The following PTCHD1 variants were observed in gnomAD, a reference collection of about 807,000 sequenced individuals.
PTCHD1 encodes patched domain containing 1.
Under a neutral mutation model 34.6 loss-of-function variants are expected in PTCHD1, and 3 were observed. That is an observed-to-expected ratio of 0.09 (90% confidence interval 0.04 to 0.22). The LOEUF (loss-of-function observed/expected upper bound fraction) is 0.22, where lower values mean the gene tolerates loss of function less well. PTCHD1 is among the 10% of genes least tolerant of loss of function. The pLI is 1.00. For synonymous variants in PTCHD1, 305 were observed against 283.1 expected, an observed-to-expected ratio of 1.08 and a Z score of -0.77; for missense variants, 504 against 685.5, an observed-to-expected ratio of 0.74 and a Z score of 2.96.
intron 1 of PTCHD1, among the ~76,000 whole-genome samples, chrX:23,366,860 CT>C (rs901160916): frequency 1.8e-5 from 2 of 110,153 alleles, no homozygotes; most frequent in Non-Finnish European, 3.8e-5. Context: ...CGTCTGACCC[CT>C]GTCTCCTTTC....
intron 2 of PTCHD1, among the ~76,000 whole-genome samples, chrX:23,386,068 T>C (rs1473004585): frequency 1.8e-5 from 2 of 111,178 alleles, no homozygotes; most frequent in African/African-American, 6.5e-5. Context: ...TGTAAATATA[T>C]AAAATATATT....
In PTCHD1 at chrX:23,394,396, TCACACACACATAGACACACACACA is replaced by T; in HGVS notation, c.*222_*245del. 4.0e-6 allele frequency: 1 copy of T among 251,729 alleles called. No homozygotes were observed. 20.7% of individuals were successfully genotyped at this position (251,729 alleles called of 1,213,427 possible). On this transcript the variant is annotated 3_prime_UTR_variant, in exon 3 of 3. Coordinates refer to ENST00000379361, the MANE Select transcript of PTCHD1 (RefSeq NM_173495.3). Reference sequence around the variant, plus strand: ...AAAACAAAGGAGTTGTTATGAGAATTCACACACACATAGACACACACACACACACACACACACACACACACACAC... The same window carrying T: ...AAAACAAAGGAGTTGTTATGAGAATTCACACACACACACACACACACACAC...
chrX:23,380,395 A>T, intron 2 of PTCHD1, 144 bp downstream of exon 2: 1 of 578,898 alleles, frequency 1.7e-6, no homozygotes, highest in Non-Finnish European at 2.9e-6. Context: ...CCACTCTATA[A>T]AGTGCTGGTA....
chrX:23,351,403 G>A (rs1201052755), intron 1 of PTCHD1: 5 of 625,091 alleles, frequency 8.0e-6, no homozygotes, highest in Admixed American at 6.9e-5. Flanking sequence ...GAAATGGTAC[G>A]AAAACTTTCA....
chrX:23,356,572 A>G (rs1380484435), intron 1 of PTCHD1, among the ~76,000 whole-genome samples: 1 of 111,819 alleles, frequency 8.9e-6, no homozygotes, highest in Non-Finnish European at 1.9e-5. Flanking sequence ...ACAGGGCTCT[A>G]AAGAGTGCCC....
At chrX:23,388,788 G>C (rs1359225845) in intron 2 of PTCHD1, among the ~76,000 whole-genome samples, 2 of 110,679 alleles carry the variant, frequency 1.8e-5, no homozygotes, top group African/African-American at 6.6e-5. Flanking sequence ...CAGAGATTGT[G>C]CCACTGCACT....
intron 2 of PTCHD1, among the ~76,000 whole-genome samples, chrX:23,382,217 T>G (rs1922584621): frequency 8.9e-6 from 1 of 112,005 alleles, no homozygotes; most frequent in South Asian, 3.7e-4. Context: ...TATTTAAAAC[T>G]TGTGAAAAGT....
intron 1 of PTCHD1, among the ~76,000 whole-genome samples, chrX:23,361,446 G>C (rs935615242): frequency 4.3e-4 from 48 of 111,463 alleles, no homozygotes; most frequent in African/African-American, 1.6e-3. Flanking sequence ...TTTAAAGTCT[G>C]TTTTATCAGA....
chrX:23,359,181 G>C (rs1404251593), intron 1 of PTCHD1, among the ~76,000 whole-genome samples: 1 of 112,397 alleles, frequency 8.9e-6, no homozygotes, highest in Non-Finnish European at 1.9e-5. Flanking sequence ...CCAATTCTGT[G>C]AAGAAAGTCA....
intron 2 of PTCHD1, among the ~76,000 whole-genome samples, chrX:23,387,311 C>A (rs1470978248): frequency 9.0e-6 from 1 of 111,281 alleles, no homozygotes; most frequent in Non-Finnish European, 1.9e-5. Context: ...TGGTCAGGCC[C>A]CAGAAAGTTC....
At position 23,394,448 on chromosome X, in the gene PTCHD1, A is replaced by ACACACC; in HGVS notation, c.*266_*267insACCCAC. On this transcript the variant is annotated 3_prime_UTR_variant, in exon 3 of 3. Coordinates refer to ENST00000379361, the MANE Select transcript of PTCHD1 (RefSeq NM_173495.3). ...CACACACACACACACACACACACACACACCCTGGGAGACCTATAGTCTCTT... is the reference window on the plus strand; with the variant it reads ...CACACACACACACACACACACACACACACACCCACCCTGGGAGACCTATAGTCTCTT... 2 of 304,916 alleles carry ACACACC rather than the reference A, an allele frequency of 6.6e-6. No homozygotes were observed. The highest frequency in any genetic ancestry group is 1.1e-5 in the Non-Finnish European group (2 of 178,122). The allele number at this position is 304,916 out of a possible 1,213,427, so 25.1% of individuals were successfully genotyped here.
chrX:23,380,365 T>G, intron 2 of PTCHD1, 114 bp downstream of exon 2: 1 of 769,744 alleles, frequency 1.3e-6, no homozygotes, highest in Non-Finnish European at 2.0e-6. Flanking sequence ...TATCTTCATT[T>G]TGCCCAAAAG....
intron 1 of PTCHD1, among the ~76,000 whole-genome samples, chrX:23,372,612 GT>G (rs1250252451): frequency 1.8e-5 from 2 of 111,378 alleles, no homozygotes; most frequent in East Asian, 5.6e-4. Flanking sequence ...TTGGCATGCT[GT>G]TTTTCCTGTT....
At chrX:23,392,047 T>TCTTTC (rs1245695130) in intron 2 of PTCHD1, among the ~76,000 whole-genome samples, 1 of 99,668 alleles carries the variant, frequency 1.0e-5, no homozygotes, top group African/African-American at 3.9e-5. Flanking sequence ...CTTTCTTTTT[T>TCTTTC]TTTCTTTCTT....
chrX:23,387,869 G>C (rs1922724586), intron 2 of PTCHD1, among the ~76,000 whole-genome samples: 1 of 112,220 alleles, frequency 8.9e-6, no homozygotes, highest in African/African-American at 3.2e-5. Flanking sequence ...TAAAGGACAA[G>C]AGAATGCTTT....
At chrX:23,350,060 TAAA>T (rs57194123) in intron 1 of PTCHD1, among the ~76,000 whole-genome samples, 94 of 40,410 alleles carry the variant, frequency 2.3e-3, no homozygotes, top group African/African-American at 9.3e-3. Flanking sequence ...TTAGTGCTGT[TAAA>T]AAAAAAAAAA....
intron 1 of PTCHD1, among the ~76,000 whole-genome samples, chrX:23,341,689 G>A (rs765793859): frequency 1.3e-4 from 14 of 111,404 alleles, no homozygotes; most frequent in African/African-American, 4.6e-4. Flanking sequence ...GTGAGTAATC[G>A]CTAACCTTTA....
At chrX:23,345,060 C>G (rs1357611713) in intron 1 of PTCHD1, among the ~76,000 whole-genome samples, 1 of 111,946 alleles carries the variant, frequency 8.9e-6, no homozygotes, top group Non-Finnish European at 1.9e-5. Flanking sequence ...TCCTTTGAAA[C>G]TGGAATGTTG....
chrX:23,393,499 C>G lies in PTCHD1; in HGVS notation c.1981C>G (p.Leu661Val). 1 of 1,210,749 alleles carries G rather than the reference C, an allele frequency of 8.3e-7. No individual in the cohort carries two copies. The highest frequency in any genetic ancestry group is 1.8e-5 in the South Asian group (1 of 56,952). ...AKTMETNREE[L>V]YDLLETLRRL... ...GACCATGGAAACAAACAGAGAAGAA[C>G]TCTATGATCTCTTGGAAACCCTGAG... The change falls in exon 3 of 3, where the codon CTC becomes GTC. Residue 661 changes from leucine to valine, a missense_variant. Coordinates refer to ENST00000379361, the MANE Select transcript of PTCHD1 (RefSeq NM_173495.3).
Sources: gnomAD v4.1 joint callset for allele counts (sites outside exome capture counted in the v4.1 genomes callset) on GRCh38, gnomAD v4.1.1 for gene constraint, MANE v1.5 for transcripts, NCBI Gene and HGNC (gene_info 2026-07-23, HGNC 2026-07-21) for gene names.